Variants in NRXN3 observed in about 807,000 individuals in gnomAD.
NRXN3 encodes neurexin III.
In NRXN3, 32 loss-of-function variants were observed where a neutral mutation model predicts 137.6. The observed-to-expected ratio is 0.23, with a 90% confidence interval of 0.18 to 0.31. The LOEUF is 0.31. Ranked by LOEUF, NRXN3 falls within the 10% of genes least tolerant of loss-of-function variation. The pLI is 1.00. For missense variants in NRXN3, 1,574 were observed against 2,062.5 expected (o/e 0.76, Z 4.59); for synonymous variants, 798 against 784.5 (o/e 1.02, Z -0.29).
At chr14:78,302,544 T>G (rs1027520476) in intron 4 of NRXN3, among the ~76,000 whole-genome samples, 1 of 152,164 alleles carries the variant, frequency 6.6e-6, no homozygotes, top group Non-Finnish European at 1.5e-5. Flanking sequence ...ACCTCCACGT[T>G]TAAGCCTTCT....
chr14:79,446,323 T>C (rs1345640475), intron 15 of NRXN3, among the ~76,000 whole-genome samples: 1 of 152,196 alleles, frequency 6.6e-6, no homozygotes, highest in African/African-American at 2.4e-5. Context: ...CTTTTTATTC[T>C]GTTGTCCTCT....
chr14:78,722,687 T>G (rs1182526752), intron 8 of NRXN3, among the ~76,000 whole-genome samples: 1 of 152,236 alleles, frequency 6.6e-6, no homozygotes, highest in Non-Finnish European at 1.5e-5. Flanking sequence ...CCTCACTTTC[T>G]ACGTGAAGAA....
intron 20 of NRXN3, among the ~76,000 whole-genome samples, chr14:79,818,046 GTTTTTTTTTTT>G (rs55815632): frequency 1.1e-5 from 1 of 90,318 alleles, no homozygotes; most frequent in Admixed American, 1.2e-4. Flanking sequence ...GTGCACTTGG[GTTTTTTTTTTT>G]TTTTTTTTTT....
chr14:79,549,440 G>A (rs527783706), intron 16 of NRXN3, among the ~76,000 whole-genome samples: 1 of 152,154 alleles, frequency 6.6e-6, no homozygotes, highest in African/African-American at 2.4e-5. Context: ...TACCATACAT[G>A]TAAGGAAATG....
intron 15 of NRXN3, among the ~76,000 whole-genome samples, chr14:79,226,572 G>T (rs943669057): frequency 9.2e-5 from 14 of 151,956 alleles, no homozygotes; most frequent in Non-Finnish European, 1.5e-4. Flanking sequence ...CCCCAGAATT[G>T]TTTCATCTCA....
chr14:78,541,537 G>A (rs2096589410), intron 4 of NRXN3, among the ~76,000 whole-genome samples: 1 of 152,210 alleles, frequency 6.6e-6, no homozygotes, highest in South Asian at 2.1e-4. Flanking sequence ...AAGGTTCTTA[G>A]CTTCCTTGCG....
intron 20 of NRXN3, among the ~76,000 whole-genome samples, chr14:79,813,357 T>C (rs1004985292): frequency 2.0e-5 from 3 of 152,204 alleles, no homozygotes; most frequent in Admixed American, 6.5e-5. Flanking sequence ...TAAATAGATA[T>C]ATACCTTGTA....
rs1357521978 is a variant in NRXN3 at position 79,866,812 on chromosome 14, C to G, written c.*4848C>G. The stretch of plus-strand genomic sequence containing the variant: ...TTCTTGGAGAGAATGGGATCAGAAA[C>G]TGACATATTGCTACAGAGGTTACAA... On this transcript the variant is annotated 3_prime_UTR_variant, in exon 21 of 21. Transcript: ENST00000335750. 6.6e-6 allele frequency: 1 copy of G among 152,112 alleles called. No homozygotes were observed. The highest frequency in any genetic ancestry group is 2.4e-5 in the African/African-American group (1 of 41,404). The allele number at this position is 152,112 out of a possible 1,614,324, so 9.4% of individuals were successfully genotyped here. A position where few individuals can be genotyped will look rare whatever the true frequency, so the allele number is the denominator to read the frequency against.
chr14:79,680,814 C>T (rs2098666448), intron 17 of NRXN3, among the ~76,000 whole-genome samples: 1 of 152,100 alleles, frequency 6.6e-6, no homozygotes, highest in Admixed American at 6.6e-5. Context: ...CCTGCTGTTC[C>T]TAGAGATCTT....
chr14:78,277,620 A>G (rs980540223), intron 2 of NRXN3, among the ~76,000 whole-genome samples: 35 of 152,204 alleles, frequency 2.3e-4, no homozygotes, highest in Non-Finnish European at 4.7e-4. Flanking sequence ...TGAGCTATCC[A>G]AGACTGCCAG....
intron 15 of NRXN3, among the ~76,000 whole-genome samples, chr14:79,079,738 C>A (rs1162772269): frequency 6.6e-6 from 1 of 152,012 alleles, no homozygotes; most frequent in Admixed American, 6.6e-5. Flanking sequence ...ACTTGTAATC[C>A]CAGCATTTTG....
intron 8 of NRXN3, among the ~76,000 whole-genome samples, chr14:78,775,488 C>A (rs531209363): frequency 6.6e-6 from 1 of 152,250 alleles, no homozygotes; most frequent in East Asian, 1.9e-4. Context: ...TTTTGCCCAT[C>A]AACTATCATT....
In NRXN3 at chr14:79,643,708, T is replaced by TC. The variant is rs2098442516; in HGVS notation, c.3445-20067dup. Among the ~76,000 whole-genome samples, 3 of 135,092 alleles carry TC rather than the reference T, an allele frequency of 2.2e-5. 1 individual carries two copies. The South Asian group carries it at 7.0e-4, about 31-fold the overall frequency. 88.6% of individuals were successfully genotyped at this position (135,092 alleles called of 152,430 possible). The stretch of plus-strand genomic sequence containing the variant: ...TAATTACTGCTTTTTGCTGTGCTGG[T>TC]CCCACTGCTTAGAATGTTATTTCCT... On this transcript the variant is annotated intron_variant, in intron 16 of 20. Coordinates refer to ENST00000335750, the MANE Select transcript of NRXN3 (RefSeq NM_001330195.2).
chr14:79,781,338 A>G (rs1035275264), intron 19 of NRXN3, among the ~76,000 whole-genome samples: 1 of 152,220 alleles, frequency 6.6e-6, no homozygotes, highest in Non-Finnish European at 1.5e-5. Context: ...TGGTAGTATG[A>G]TACGGGAAAA....
chr14:78,444,367 A>G (rs911285241), intron 4 of NRXN3, among the ~76,000 whole-genome samples: 1 of 152,128 alleles, frequency 6.6e-6, no homozygotes, highest in African/African-American at 2.4e-5. Context: ...TTTCTGCTCC[A>G]TCATGCGGCT....
intron 19 of NRXN3, among the ~76,000 whole-genome samples, chr14:79,761,881 TTATC>T (rs1452376887): frequency 6.6e-6 from 1 of 151,638 alleles, no homozygotes; most frequent in African/African-American, 2.4e-5. Context: ...AGAGGATGTC[TTATC>T]TATCAGACAT....
rs1234111720 is a variant in NRXN3, at chr14:79,862,779, T to C, written c.*815T>C. 6.6e-6 allele frequency: 1 copy of C among 152,616 alleles called. No homozygotes were observed. The highest frequency in any genetic ancestry group is 1.9e-4 in the East Asian group (1 of 5,188). The allele number at this position is 152,616 out of a possible 1,614,324, so 9.5% of individuals were successfully genotyped here. On this transcript the variant is annotated 3_prime_UTR_variant, in exon 21 of 21. Transcript: ENST00000335750. The stretch of plus-strand genomic sequence containing the variant: ...CAAAATTCATGTGACGGATGATAAA[T>C]TGATTCGAAAAGCTGGTCCCCCAGG...
chr14:78,627,298 T>A (rs568885262), intron 4 of NRXN3, among the ~76,000 whole-genome samples: 1 of 152,290 alleles, frequency 6.6e-6, no homozygotes, highest in Admixed American at 6.5e-5. Context: ...ACACAGCTGA[T>A]AAGGCCTTCA....
chr14:78,644,135 GAAA>G (rs111868453), intron 4 of NRXN3, among the ~76,000 whole-genome samples: 1 of 42,144 alleles, frequency 2.4e-5, no homozygotes, highest in Non-Finnish European at 5.8e-5. Flanking sequence ...GCAAGACTCA[GAAA>G]AAAAAAAAAA....
Sources: allele counts gnomAD v4.1 joint callset (sites outside exome capture counted in the v4.1 genomes callset), GRCh38; gene constraint gnomAD v4.1.1; transcripts MANE v1.5; gene names NCBI Gene and HGNC (gene_info 2026-07-23, HGNC 2026-07-21).